The following ZMYND15 variants were observed in gnomAD, a reference collection of about 807,000 sequenced individuals.
The protein encoded by ZMYND15 is zinc finger MYND-type containing 15.
Under a neutral mutation model 81.7 loss-of-function variants are expected in ZMYND15, and 54 were observed. That is an observed-to-expected ratio of 0.66 (90% CI 0.53 to 0.83). The LOEUF is 0.83. Ranked by LOEUF, ZMYND15 falls within the 40% of genes least tolerant of loss-of-function variation. ZMYND15 has a pLI of 0.00. For synonymous variants in ZMYND15, 399 were observed against 387.0 expected (o/e 1.03, Z -0.36); for missense variants, 925 against 973.5 (o/e 0.95, Z 0.66).
chr17:4,740,852 C>A lies in ZMYND15; in HGVS notation c.304C>A (p.Pro102Thr). Residue 102 changes from proline (P) to threonine (T), a missense_variant, in exon 2 of 14, where the codon CCC (proline) becomes ACC (threonine). Pro to Thr is a conservative substitution (Grantham distance 38, BLOSUM62 -1). Transcript: ENST00000433935. Reference sequence around the variant, plus strand: ...TCCACTCCACCTGCGAGACCTGAGCCCCTACATCAGCTTTGTCAGCCTAGA... The same window carrying A: ...TCCACTCCACCTGCGAGACCTGAGCACCTACATCAGCTTTGTCAGCCTAGA... ...NPPLHLRDLS[P>T]YISFVSLEDG... is the part of the protein sequence containing the mutation. The A allele has an allele frequency of 1.9e-6, 3 of 1,576,136 alleles. No individual in the cohort carries two copies. Among genetic ancestry groups the A allele is most frequent in the Non-Finnish European group, 2.6e-6 (3 of 1,158,542 alleles).
chr17:4,741,858 C>T, intron 3 of ZMYND15, 42 bp downstream of exon 3: 1 of 1,588,912 alleles, frequency 6.3e-7, no homozygotes, highest in African/African-American at 1.3e-5. Flanking sequence ...GACTCGGGCC[C>T]TGGATTCCCA....
rs766498614 is a variant in ZMYND15, at chr17:4,745,946, C to G, written c.2185C>G (p.Arg729Gly). The G allele has an allele frequency of 9.5e-6, 14 of 1,471,620 alleles. No individual in the cohort carries two copies. The South Asian group carries it at 1.6e-4, about 17-fold the overall frequency. The allele number at this position is 1,471,620 out of a possible 1,614,324, so 91.2% of individuals were successfully genotyped here. ...TCCTCCTGCCCCCACCCGAAGGCGC[C>G]GAGGAGAAAAGAAACCTGGGCGGGG... Reference protein sequence around the residue: ...SAPPAPTRRRRGEKKPGRGAR... With the variant: ...SAPPAPTRRRGGEKKPGRGAR... Residue 729 changes from arginine to glycine, a missense_variant, in exon 14 of 14, where the codon CGA becomes GGA. Arg to Gly is a moderately radical substitution (Grantham distance 125). Transcript: ENST00000433935. The surrounding 1 kb of genome is among the most constrained non-coding windows in gnomAD (Gnocchi z 5.2).
rs759430689 is a variant in ZMYND15, at chr17:4,744,758, C to T, written c.1817C>T (p.Pro606Leu). The T allele has an allele frequency of 5.0e-6, 8 of 1,614,004 alleles. No individual in the cohort carries two copies. In the African/African-American group the frequency reaches 1.1e-4, roughly 22 times the overall value. The change falls in exon 11 of 14, where the codon CCC (proline) becomes CTC (leucine). Residue 606 changes from proline to leucine, a missense_variant. Pro to Leu is a moderately conservative substitution (Grantham distance 98). Transcript: ENST00000433935. The surrounding 1 kb of genome is among the most constrained non-coding windows in gnomAD (Gnocchi z 4.1). ...AGGCCCTACCACCTGTTCCAGGGGCCCAAGCCTGACCTGGTTATTGGTAAA... is the reference window on the plus strand; with the variant it reads ...AGGCCCTACCACCTGTTCCAGGGGCTCAAGCCTGACCTGGTTATTGGTAAA... ...SARPYHLFQG[P>L]KPDLVIGFNS...
Position 4,743,293 on chromosome 17 carries a change from C to T in ZMYND15, c.1145-10C>T. ...CCAGCACCTCAACTCCTCCCCTTCT[C>T]CTTCTCCAGAGGTGACCAGTGAAAC... On this transcript the variant is annotated splice_polypyrimidine_tract_variant and intron_variant, in intron 5 of 13. Coordinates refer to ENST00000433935, the MANE Select transcript of ZMYND15 (RefSeq NM_001136046.3). This position sits in a 1 kb window ranked among gnomAD's most constrained non-coding sequence, Gnocchi z 4.3. 1 of 1,600,618 alleles carries T rather than the reference C, an allele frequency of 6.2e-7. No individual in the cohort carries two copies. The highest frequency in any genetic ancestry group is 8.5e-7 in the Non-Finnish European group (1 of 1,174,158).
At position 4,742,035 on chromosome 17, in the gene ZMYND15, T is replaced by C; in HGVS notation, c.948T>C (p.Cys316=). The C allele has an allele frequency of 6.2e-7, 1 of 1,614,126 alleles. No individual in the cohort carries two copies. The highest frequency in any genetic ancestry group is 1.1e-5 in the South Asian group (1 of 91,082). ...ASLRARTCHV[C]HRHSFEAKLT... ...TTCGTGCTCGAACCTGCCATGTGTGTCACAGGCACAGCTTTGAAGCGAAGC... is the reference window on the plus strand; with the variant it reads ...TTCGTGCTCGAACCTGCCATGTGTGCCACAGGCACAGCTTTGAAGCGAAGC... Residue 316 remains cysteine (C), a synonymous_variant, in exon 4 of 14, where the codon TGT becomes TGC. Transcript: ENST00000433935.
Position 4,745,900 on chromosome 17 carries a change from C to G in ZMYND15, c.2139C>G (p.Pro713=). 1.3e-6 allele frequency: 2 copies of G among 1,546,638 alleles called. No individual in the cohort carries two copies. The highest frequency in any genetic ancestry group is 1.7e-6 in the Non-Finnish European group (2 of 1,148,982). The change falls in exon 14 of 14, where the codon CCC becomes CCG. Residue 713 remains proline, a synonymous_variant. Transcript: ENST00000433935. This position sits in a 1 kb window ranked among gnomAD's most constrained non-coding sequence, Gnocchi z 5.2. ...SGARPAPGPP[P]PSPTPSAPPA... ...CCCGCCCGGCGCCCGGGCCCCCACCCCCATCCCCAACTCCCTCTGCTCCTC... is the reference window on the plus strand; with the variant it reads ...CCCGCCCGGCGCCCGGGCCCCCACCGCCATCCCCAACTCCCTCTGCTCCTC...
In ZMYND15 at chr17:4,741,992, G is replaced by T. The variant is rs1189151875; in HGVS notation, c.905G>T (p.Gly302Val). 1.9e-6 allele frequency: 3 copies of T among 1,614,188 alleles called. No homozygotes were observed. The highest frequency in any genetic ancestry group is 1.3e-5 in the African/African-American group (1 of 75,060). ...ATGCGGACATGGGGTCCCCGGCCAG[G>T]CTTCACCTTTGCTTCCCTTCGTGCT... ...TPMRTWGPRPGFTFASLRART... is the reference protein window; with the variant it reads ...TPMRTWGPRPVFTFASLRART... Residue 302 changes from glycine (G) to valine (V), a missense_variant, in exon 4 of 14, where the codon GGC becomes GTC. Gly to Val is a moderately radical substitution (Grantham distance 109). Transcript: ENST00000433935.
At chr17:4,741,522 C>T in intron 2 of ZMYND15, 60 bp from the exon 3 acceptor site, 1 of 1,589,050 alleles carries the variant, frequency 6.3e-7, no homozygotes, top group Non-Finnish European at 8.6e-7. Flanking sequence ...GTACTCCTGA[C>T]CCTGACCACA....
Position 4,743,721 on chromosome 17 carries a change from TG to T in ZMYND15, c.1298-41del, listed in dbSNP as rs1310045900. The T allele has an allele frequency of 1.3e-6, 2 of 1,553,828 alleles. No homozygotes were observed. On this transcript the variant is annotated intron_variant, in intron 6 of 13. Coordinates refer to ENST00000433935, the MANE Select transcript of ZMYND15 (RefSeq NM_001136046.3). The surrounding 1 kb of genome is among the most constrained non-coding windows in gnomAD (Gnocchi z 4.3). ...GGAAGGAAGAAAGAGATGGGTCAGG[TG>T]GGGGTCTCCCTGACCCCAGGCCCCT...
At chr17:4,740,158 C>T in intron 1 of ZMYND15, 108 bp downstream of exon 1, 3 of 847,344 alleles carry the variant, frequency 3.5e-6, no homozygotes, top group Non-Finnish European at 4.3e-6. Flanking sequence ...ACCCCACAGA[C>T]GCATCCAAAA....
intron 2 of ZMYND15, among the ~76,000 whole-genome samples, 174 bp downstream of exon 2, chr17:4,741,314 GA>G (rs151337930): frequency 0.016 from 2,468 of 151,604 alleles, 56 homozygotes; most frequent in African/African-American, 0.056. Context: ...AACATTGCAA[GA>G]AAAAAAGTAT....
rs779362376 is a variant in ZMYND15 at position 4,740,742 on chromosome 17, A to G, written c.194A>G (p.His65Arg). ...TGGGTGCTCCATGTCCTGCCCAACC[A>G]TAGTGTGGGCATCAGCCTGGGGCAA... ...ALWVLHVLPNHSVGISLGQGA... is the reference protein window; with the variant it reads ...ALWVLHVLPNRSVGISLGQGA... Residue 65 changes from histidine (H) to arginine (R), a missense_variant, in exon 2 of 14, where the codon CAT (histidine) becomes CGT (arginine). Transcript: ENST00000433935. 3.1e-6 allele frequency: 5 copies of G among 1,606,258 alleles called. No individual in the cohort carries two copies. The South Asian group carries it at 4.4e-5, about 14-fold the overall frequency.
At position 4,741,054 on chromosome 17, in the gene ZMYND15, G is replaced by C. The variant is rs180711973; in HGVS notation, c.506G>C (p.Arg169Pro). The C allele has an allele frequency of 1.9e-6, 3 of 1,549,358 alleles. No homozygotes were observed. In the African/African-American group the frequency reaches 4.1e-5, roughly 21 times the overall value. Reference sequence around the variant, plus strand: ...CCAGGAGAGTCAGAGGAGGCTGCCCGGGAGGCAGGAGGTGGCAAGGATGGC... The same window carrying C: ...CCAGGAGAGTCAGAGGAGGCTGCCCCGGAGGCAGGAGGTGGCAAGGATGGC... ...NPPGESEEAA[R>P]EAGGGKDGCR... Residue 169 changes from arginine to proline, a missense_variant, in exon 2 of 14, where the codon CGG (arginine) becomes CCG (proline). Transcript: ENST00000433935.
chr17:4,744,193 C>T lies in ZMYND15; in HGVS notation c.1499C>T (p.Pro500Leu). 6.2e-7 allele frequency: 1 copy of T among 1,614,086 alleles called. No homozygotes were observed. The change falls in exon 9 of 14, where the codon CCT (proline) becomes CTT (leucine). Residue 500 changes from proline to leucine, a missense_variant. Coordinates refer to ENST00000433935, the MANE Select transcript of ZMYND15 (RefSeq NM_001136046.3). This position sits in a 1 kb window ranked among gnomAD's most constrained non-coding sequence, Gnocchi z 4.1. ...AAAGCGCTGGTTTTTCACCCAGTCCCTGAGCTCAACATCCAAAACAAACAG... is the reference window on the plus strand; with the variant it reads ...AAAGCGCTGGTTTTTCACCCAGTCCTTGAGCTCAACATCCAAAACAAACAG... ...VITHLVPQSFPELNIQNKQSL... is the reference protein window; with the variant it reads ...VITHLVPQSFLELNIQNKQSL...
Position 4,740,003 on chromosome 17 carries a change from A to C in ZMYND15, c.-78A>C. On this transcript the variant is annotated 5_prime_UTR_variant, in exon 1 of 14. Coordinates refer to ENST00000433935, the MANE Select transcript of ZMYND15 (RefSeq NM_001136046.3). ...CCTGACGTCACAACCGCACCCGCGC[A>C]CCCTCCACCGCGAGGTATTTACCTT... The C allele has an allele frequency of 1.0e-6, 1 of 985,064 alleles. No individual in the cohort carries two copies. Among genetic ancestry groups the C allele is most frequent in the Non-Finnish European group, 1.2e-6 (1 of 829,870 alleles). 61.0% of individuals were successfully genotyped at this position (985,064 alleles called of 1,614,324 possible).
In ZMYND15 at chr17:4,745,749, C is replaced by G; in HGVS notation, c.2058-70C>G. 2 of 1,348,708 alleles carry G rather than the reference C, an allele frequency of 1.5e-6. No homozygotes were observed. Among genetic ancestry groups the G allele is most frequent in the Non-Finnish European group, 2.0e-6 (2 of 992,962 alleles). 83.5% of individuals were successfully genotyped at this position (1,348,708 alleles called of 1,614,324 possible). ...TCCCTGACCGCGCCCCTGGGAGCCC[C>G]GACCCCTGGGAGCGCCGACCCCTGG... On this transcript the variant is annotated intron_variant, in intron 13 of 13. Transcript: ENST00000433935. The surrounding 1 kb of genome is among the most constrained non-coding windows in gnomAD (Gnocchi z 5.2).
chr17:4,739,905 G>A lies in ZMYND15; in HGVS notation c.-176G>A. 1 of 985,400 alleles carries A rather than the reference G, an allele frequency of 1.0e-6. No individual in the cohort carries two copies. Among genetic ancestry groups the A allele is most frequent in the Non-Finnish European group, 1.2e-6 (1 of 830,050 alleles). 61.0% of individuals were successfully genotyped at this position (985,400 alleles called of 1,614,324 possible). A position where few individuals can be genotyped will look rare whatever the true frequency, so the allele number is the denominator to read the frequency against. ...GCCAGCCCCGGCCGCGCGCACCTGC[G>A]GGGCAGCCACCCGCGGACGCACCGA... On this transcript the variant is annotated 5_prime_UTR_variant, in exon 1 of 14. Coordinates refer to ENST00000433935, the MANE Select transcript of ZMYND15 (RefSeq NM_001136046.3). This position sits in a 1 kb window ranked among gnomAD's most constrained non-coding sequence, Gnocchi z 5.3.
rs541947942 is a variant in ZMYND15 at position 4,740,262 on chromosome 17, C to A, written c.-31+212C>A. On this transcript the variant is annotated intron_variant, in intron 1 of 13. Transcript: ENST00000433935. ...TCTGCTTTTGAGGGTGTGAACTCTCCAATTTTAAGCCCCAAATACCATCTC... is the reference window on the plus strand; with the variant it reads ...TCTGCTTTTGAGGGTGTGAACTCTCAAATTTTAAGCCCCAAATACCATCTC... 77 of 624,040 alleles carry A rather than the reference C, an allele frequency of 1.2e-4. No homozygotes were observed. In the African/African-American group the frequency reaches 1.3e-3, roughly 11 times the overall value. The allele number at this position is 624,040 out of a possible 1,614,324, so 38.7% of individuals were successfully genotyped here.
rs199880671 is a variant in ZMYND15 at position 4,744,282 on chromosome 17, A to G, written c.1584+4A>G. 59 of 1,613,798 alleles carry G rather than the reference A, an allele frequency of 3.7e-5. No homozygotes were observed. In the African/African-American group the frequency reaches 5.2e-4, roughly 14 times the overall value. ...TGACCTTGTCATGGTGTTTTGGGTA[A>G]GTCACCCCAGGCCTGAAGGTTGGGC... On this transcript the variant is annotated splice_donor_region_variant and intron_variant, in intron 9 of 13. Transcript: ENST00000433935. This position sits in a 1 kb window ranked among gnomAD's most constrained non-coding sequence, Gnocchi z 4.1.
Sources: allele counts gnomAD v4.1 joint callset (sites outside exome capture counted in the v4.1 genomes callset), GRCh38; gene constraint gnomAD v4.1.1; non-coding constraint Gnocchi (gnomAD v3.1); transcripts MANE v1.5; gene names NCBI Gene and HGNC (gene_info 2026-07-23, HGNC 2026-07-21).